Variants in ST6GALNAC5 observed in about 807,000 individuals in gnomAD.
The protein encoded by ST6GALNAC5 is alpha-N-acetylgalactosaminide alpha-2,6-sialyltransferase 5.
ST6GALNAC5 carries 27 observed loss-of-function variants against 33.6 expected under a neutral mutation model. The observed-to-expected ratio is 0.80, with a 90% CI of 0.59 to 1.11. The LOEUF (loss-of-function observed/expected upper bound fraction) is 1.11, where lower values mean the gene tolerates loss of function less well. Among genes scored for constraint, ST6GALNAC5 ranks in the 50% least tolerant of loss-of-function variants. The pLI, the probability that ST6GALNAC5 is intolerant of heterozygous loss-of-function variation, is 0.00. For missense variants in ST6GALNAC5, 428 were observed against 454.0 expected, an observed-to-expected ratio of 0.94 and a Z score of 0.52; for synonymous variants, 194 against 171.2, an observed-to-expected ratio of 1.13 and a Z score of -1.04.
chr1:76,972,537 A>G (rs575374685), intron 2 of ST6GALNAC5, among the ~76,000 whole-genome samples: 16 of 152,332 alleles, frequency 1.1e-4, no homozygotes, highest in African/African-American at 3.4e-4. Context: ...TCAATAATGT[A>G]TACGTTTGTC....
chr1:76,946,167 A>G (rs1647510803), intron 2 of ST6GALNAC5, among the ~76,000 whole-genome samples: 1 of 151,932 alleles, frequency 6.6e-6, no homozygotes, highest in African/African-American at 2.4e-5. Flanking sequence ...CTACCATATG[A>G]AAAAAAAGAC....
chr1:76,879,888 C>G (rs1477317595), intron 2 of ST6GALNAC5, among the ~76,000 whole-genome samples: 2 of 152,198 alleles, frequency 1.3e-5, no homozygotes, highest in African/African-American at 4.8e-5. Context: ...ATGCCTTTAA[C>G]AGTAGACACT....
chr1:76,910,359 T>A (rs966786429), intron 2 of ST6GALNAC5, among the ~76,000 whole-genome samples: 5 of 152,016 alleles, frequency 3.3e-5, no homozygotes, highest in Non-Finnish European at 7.4e-5. Flanking sequence ...ACTGCAGTGG[T>A]TAAAGATGTG....
intron 2 of ST6GALNAC5, among the ~76,000 whole-genome samples, chr1:76,932,665 G>A (rs963486182): frequency 9.2e-5 from 14 of 152,076 alleles, no homozygotes; most frequent in African/African-American, 3.4e-4. Context: ...GTCCAGCAAA[G>A]TGAGAAACCT....
At chr1:76,998,018 T>C (rs1205071102) in intron 2 of ST6GALNAC5, among the ~76,000 whole-genome samples, 1 of 152,170 alleles carries the variant, frequency 6.6e-6, no homozygotes, top group East Asian at 1.9e-4. Context: ...TTCTCAGCAC[T>C]CATCCTCCCT....
intron 2 of ST6GALNAC5, among the ~76,000 whole-genome samples, chr1:76,921,974 C>T (rs1035645053): frequency 6.6e-6 from 1 of 152,042 alleles, no homozygotes; most frequent in Non-Finnish European, 1.5e-5. Flanking sequence ...TGGCATCATT[C>T]GTATTAAGTA....
intron 2 of ST6GALNAC5, among the ~76,000 whole-genome samples, chr1:76,960,827 G>A (rs746021062): frequency 6.6e-5 from 10 of 152,138 alleles, no homozygotes; most frequent in East Asian, 1.9e-4. Context: ...TTTTCTGAAC[G>A]TTGCTGTTAT....
chr1:76,914,885 A>G (rs1377577282), intron 2 of ST6GALNAC5, among the ~76,000 whole-genome samples: 1 of 152,188 alleles, frequency 6.6e-6, no homozygotes, highest in Non-Finnish European at 1.5e-5. Flanking sequence ...AAAAGAAACT[A>G]CCATCAGAGT....
intron 2 of ST6GALNAC5, among the ~76,000 whole-genome samples, chr1:77,028,982 G>C (rs2100445676): frequency 6.6e-6 from 1 of 152,322 alleles, no homozygotes; most frequent in East Asian, 1.9e-4. Flanking sequence ...TAACAGGAAA[G>C]GCAAGGACAG....
At chr1:76,906,213 G>GT (rs1201522583) in intron 2 of ST6GALNAC5, among the ~76,000 whole-genome samples, 2 of 152,152 alleles carry the variant, frequency 1.3e-5, no homozygotes, top group Non-Finnish European at 2.9e-5. Flanking sequence ...ATATAGCTGA[G>GT]TTAAAGGCCC....
chr1:77,030,579 A>AGC (rs1319356428), intron 2 of ST6GALNAC5, among the ~76,000 whole-genome samples: 1 of 152,238 alleles, frequency 6.6e-6, no homozygotes, highest in Non-Finnish European at 1.5e-5. Flanking sequence ...ACAGAGGAAT[A>AGC]GCTAGAATAC....
At chr1:77,051,759 C>G (rs187285627) in intron 4 of ST6GALNAC5, among the ~76,000 whole-genome samples, 14 of 152,240 alleles carry the variant, frequency 9.2e-5, no homozygotes, top group Admixed American at 3.3e-4. Flanking sequence ...AGGCAAACTG[C>G]CTCCTCAAAC....
chr1:76,968,040 GAGA>G (rs1156745604), intron 2 of ST6GALNAC5, among the ~76,000 whole-genome samples: 1 of 152,198 alleles, frequency 6.6e-6, no homozygotes, highest in Non-Finnish European at 1.5e-5. Context: ...ATGTGGTGCT[GAGA>G]AGAATGTATA....
At chr1:77,057,806 G>A (rs115325289) in intron 4 of ST6GALNAC5, among the ~76,000 whole-genome samples, 9 of 152,248 alleles carry the variant, frequency 5.9e-5, no homozygotes, top group Non-Finnish European at 7.4e-5. Flanking sequence ...CCTAAACCTC[G>A]TCAGTACCCA....
intron 2 of ST6GALNAC5, among the ~76,000 whole-genome samples, chr1:76,908,452 AACCTTATC>A (rs1458356975): frequency 1.3e-5 from 2 of 152,144 alleles, no homozygotes; most frequent in Non-Finnish European, 2.9e-5. Flanking sequence ...CTCACCTCAT[AACCTTATC>A]ACATGGGTGA....
intron 2 of ST6GALNAC5, among the ~76,000 whole-genome samples, chr1:77,013,500 C>T (rs1294668874): frequency 6.6e-6 from 1 of 152,220 alleles, no homozygotes; most frequent in Non-Finnish European, 1.5e-5. Flanking sequence ...TGCTGTCTGT[C>T]TTAATCACTG....
At chr1:76,942,530 C>A (rs1407047224) in intron 2 of ST6GALNAC5, among the ~76,000 whole-genome samples, 2 of 152,114 alleles carry the variant, frequency 1.3e-5, no homozygotes, top group Non-Finnish European at 2.9e-5. Flanking sequence ...GTGCCAGACA[C>A]TGTGTCTGGA....
chr1:76,955,455 G>A (rs1647920109), intron 2 of ST6GALNAC5, among the ~76,000 whole-genome samples: 1 of 152,098 alleles, frequency 6.6e-6, no homozygotes, highest in Non-Finnish European at 1.5e-5. Flanking sequence ...TGACTCAGTT[G>A]CTATATGTGT....
intron 2 of ST6GALNAC5, among the ~76,000 whole-genome samples, chr1:76,907,551 CCA>C (rs1646875859): frequency 6.6e-6 from 1 of 152,178 alleles, no homozygotes. Flanking sequence ...AAGCCCTGCT[CCA>C]CAGTTTCTTG....
Sources: allele counts gnomAD v4.1 joint callset (sites outside exome capture counted in the v4.1 genomes callset), GRCh38; gene constraint gnomAD v4.1.1; transcripts MANE v1.5; gene names NCBI Gene and HGNC (gene_info 2026-07-23, HGNC 2026-07-21).